Variants in HNRNPUL1 observed in about 807,000 individuals in gnomAD.
HNRNPUL1 encodes the protein heterogeneous nuclear ribonucleoprotein U-like protein 1.
HNRNPUL1 carries 14 observed loss-of-function variants against 108.5 expected under a neutral mutation model. The observed-to-expected ratio is 0.13, with a 90% CI of 0.09 to 0.20. The LOEUF is 0.20. HNRNPUL1 is among the 10% of genes least tolerant of loss of function. The pLI, the probability that HNRNPUL1 is intolerant of heterozygous loss-of-function variation, is 1.00. For synonymous variants in HNRNPUL1, 422 were observed against 445.2 expected, an observed-to-expected ratio of 0.95 and a Z score of 0.66; for missense variants, 804 against 1,168.3, an observed-to-expected ratio of 0.69 and a Z score of 4.55.
chr19:41,297,423 T>A (rs1244847946), intron 10 of HNRNPUL1, among the ~76,000 whole-genome samples: 2 of 152,276 alleles, frequency 1.3e-5, no homozygotes, highest in African/African-American at 4.8e-5. Flanking sequence ...TAAATTTGCC[T>A]GGCTAGTAAA....
intron 7 of HNRNPUL1, chr19:41,286,707 CTTTTTTTTTTTTTTT>C (rs60441728): frequency 1.9e-4 from 14 of 74,172 alleles, no homozygotes; most frequent in East Asian, 1.1e-3. Flanking sequence ...GGTGTGTACT[CTTTTTTTTTTTTTTT>C]TTTTTTTTTT....
chr19:41,278,837 A>C (rs983138033), intron 5 of HNRNPUL1, among the ~76,000 whole-genome samples: 16 of 152,138 alleles, frequency 1.1e-4, no homozygotes, highest in African/African-American at 3.9e-4. Flanking sequence ...GAGTCTCTTA[A>C]ACTAAAACAT....
In HNRNPUL1 at chr19:41,279,070, T is replaced by C. The variant is rs761723830; in HGVS notation, c.787-7T>C. The C allele has an allele frequency of 1.1e-5, 17 of 1,612,006 alleles. No homozygotes were observed. In the Middle Eastern group the frequency reaches 5.0e-4, roughly 47 times the overall value. On this transcript the variant is annotated splice_region_variant and splice_polypyrimidine_tract_variant and intron_variant, in intron 5 of 14. Coordinates refer to ENST00000392006, the MANE Select transcript of HNRNPUL1 (RefSeq NM_007040.6). The stretch of plus-strand genomic sequence containing the variant: ...CAACCCTGAGCCCTTTTGTCCTCTT[T>C]CCTCAGATCAATGAGGAAATCTCCG...
chr19:41,264,464 G>A lies in HNRNPUL1; in HGVS notation c.-40G>A. 1 of 1,338,962 alleles carries A rather than the reference G, an allele frequency of 7.5e-7. No homozygotes were observed. The highest frequency in any genetic ancestry group is 9.6e-7 in the Non-Finnish European group (1 of 1,043,924). 82.9% of individuals were successfully genotyped at this position (1,338,962 alleles called of 1,614,324 possible). A position where few individuals can be genotyped will look rare whatever the true frequency, so the allele number is the denominator to read the frequency against. The stretch of plus-strand genomic sequence containing the variant: ...GTTTAAGGGGGACAGAGCCCTGGGA[G>A]GCCGGGCCGGGCTCGGGGGCCACCC... On this transcript the variant is annotated 5_prime_UTR_variant, in exon 1 of 15. Transcript: ENST00000392006.
intron 3 of HNRNPUL1, among the ~76,000 whole-genome samples, chr19:41,273,156 G>A (rs1240046690): frequency 2.6e-5 from 4 of 152,274 alleles, no homozygotes; most frequent in African/African-American, 7.2e-5. Flanking sequence ...AAGAACACTC[G>A]CTCTGATCCT....
chr19:41,301,112 G>A (rs778838007), intron 10 of HNRNPUL1, among the ~76,000 whole-genome samples: 4 of 152,228 alleles, frequency 2.6e-5, no homozygotes, highest in Middle Eastern at 3.4e-3. Context: ...AAAAGTGCAC[G>A]GAAGAAATTC....
intron 7 of HNRNPUL1, among the ~76,000 whole-genome samples, chr19:41,288,915 G>A (rs910172423): frequency 5.9e-5 from 9 of 152,020 alleles, no homozygotes; most frequent in Middle Eastern, 3.2e-3. Context: ...CACATTTTCC[G>A]TGCTGGCATG....
chr19:41,284,919 C>T (rs2036129079), intron 7 of HNRNPUL1, among the ~76,000 whole-genome samples: 1 of 150,398 alleles, frequency 6.6e-6, no homozygotes, highest in African/African-American at 2.5e-5. Flanking sequence ...TGGCGTGACC[C>T]TGGGAGGCGG....
upstream of HNRNPUL1, chr19:41,264,354 G>C: frequency 5.3e-6 from 3 of 569,030 alleles, no homozygotes. Flanking sequence ...AGTGAGGGGG[G>C]AGGCGGTGGC....
Position 41,292,207 on chromosome 19 carries a change from A to G in HNRNPUL1, c.1000-38A>G, listed in dbSNP as rs369129717. On this transcript the variant is annotated intron_variant, in intron 7 of 14. Transcript: ENST00000392006. The surrounding 1 kb of genome is among the most constrained non-coding windows in gnomAD (Gnocchi z 4.1). Reference sequence around the variant, plus strand: ...CATTTGACTCCCAGTGCCTATGGCAAGAGTTGGCAATCATATTCCTTTGGC... The same window carrying G: ...CATTTGACTCCCAGTGCCTATGGCAGGAGTTGGCAATCATATTCCTTTGGC... 3.7e-6 allele frequency: 6 copies of G among 1,605,224 alleles called. No homozygotes were observed. The highest frequency in any genetic ancestry group is 1.1e-5 in the South Asian group (1 of 90,602).
intron 13 of HNRNPUL1, 146 bp downstream of exon 13, chr19:41,304,407 C>T (rs2037425244): frequency 1.6e-5 from 23 of 1,408,788 alleles, no homozygotes; most frequent in Non-Finnish European, 2.1e-5. Context: ...CTTCTTTCTC[C>T]CTGGCCGTGA....
intron 2 of HNRNPUL1, among the ~76,000 whole-genome samples, chr19:41,268,848 G>T (rs117452910): frequency 1.1e-4 from 16 of 151,842 alleles, no homozygotes; most frequent in Admixed American, 1.1e-3. Flanking sequence ...GGCAACAAGA[G>T]TGAAACTGCA....
At chr19:41,268,419 G>C in intron 2 of HNRNPUL1, 74 bp downstream of exon 2, 1 of 1,485,624 alleles carries the variant, frequency 6.7e-7, no homozygotes, top group Non-Finnish European at 9.1e-7. Context: ...TGCTTAGAGC[G>C]GGTCTTCCCA....
At position 41,264,728 on chromosome 19, in the gene HNRNPUL1, C is replaced by A; in HGVS notation, c.225C>A (p.Thr75=). Reference sequence around the variant, plus strand: ...AGGGGGGCTCCGAGCTGGAGGGGACCGCGCAGCCACCGCCGCCCGGGCTGC... The same window carrying A: ...AGGGGGGCTCCGAGCTGGAGGGGACAGCGCAGCCACCGCCGCCCGGGCTGC... ...ETEGGSELEG[T]AQPPPPGLQP... The change falls in exon 1 of 15, where the codon ACC becomes ACA. Residue 75 remains threonine, a synonymous_variant. Transcript: ENST00000392006. The A allele has an allele frequency of 7.0e-7, 1 of 1,427,980 alleles. No individual in the cohort carries two copies. Among genetic ancestry groups the A allele is most frequent in the South Asian group, 1.5e-5 (1 of 68,502 alleles). 88.5% of individuals were successfully genotyped at this position (1,427,980 alleles called of 1,614,324 possible). A position where few individuals can be genotyped will look rare whatever the true frequency, so the allele number is the denominator to read the frequency against.
In HNRNPUL1 at chr19:41,305,583, C is replaced by A; in HGVS notation, c.2263-93C>A. On this transcript the variant is annotated intron_variant, in intron 13 of 14. Transcript: ENST00000392006. ...AAGGGAAGGGCCCCTGTGGGCCAAC[C>A]ACTTAAAAAGGCCCTTTTTCCATCC... 2.7e-6 allele frequency: 4 copies of A among 1,507,168 alleles called. No homozygotes were observed. The South Asian group carries it at 4.7e-5, about 18-fold the overall frequency. The allele number at this position is 1,507,168 out of a possible 1,614,324, so 93.4% of individuals were successfully genotyped here.
At chr19:41,303,004 G>C (rs2037326804) in intron 12 of HNRNPUL1, 55 bp downstream of exon 12, 1 of 1,486,914 alleles carries the variant, frequency 6.7e-7, no homozygotes. Flanking sequence ...TTGGGGCTGG[G>C]CTTTGACTGC....
rs756101880 is a variant in HNRNPUL1, at chr19:41,306,570, T to C, written c.*5T>C. On this transcript the variant is annotated 3_prime_UTR_variant, in exon 15 of 15. Transcript: ENST00000392006. ...GGTGGCACAAGTACACAGTAGCCAG[T>C]GTGACCCAGAGGCTCCCGGAGGCCC... The C allele has an allele frequency of 6.6e-7, 1 of 1,521,230 alleles. No individual in the cohort carries two copies. The highest frequency in any genetic ancestry group is 2.5e-5 in the East Asian group (1 of 40,056). 94.2% of individuals were successfully genotyped at this position (1,521,230 alleles called of 1,614,324 possible). A position where few individuals can be genotyped will look rare whatever the true frequency, so the allele number is the denominator to read the frequency against.
chr19:41,265,605 G>T (rs923132966), intron 1 of HNRNPUL1, among the ~76,000 whole-genome samples: 2 of 152,136 alleles, frequency 1.3e-5, no homozygotes, highest in African/African-American at 4.8e-5. Flanking sequence ...AGAGGCTGGC[G>T]GGGGAGAGGA....
rs2037604568 is a variant in HNRNPUL1, at chr19:41,307,466, A to C, written c.*901A>C. On this transcript the variant is annotated 3_prime_UTR_variant, in exon 15 of 15. Transcript: ENST00000392006. ...GGGGCTCCTTCCCTTCAGAACTTGA[A>C]GTTTCTCCCACTGCCTCCTCTCCAG... 1 of 152,544 alleles carries C rather than the reference A, an allele frequency of 6.6e-6. No individual in the cohort carries two copies. The highest frequency in any genetic ancestry group is 1.5e-5 in the Non-Finnish European group (1 of 68,024). The allele number at this position is 152,544 out of a possible 1,614,324, so 9.4% of individuals were successfully genotyped here.
Sources: gnomAD v4.1 joint callset for allele counts (sites outside exome capture counted in the v4.1 genomes callset) on GRCh38, gnomAD v4.1.1 for gene constraint, Gnocchi (gnomAD v3.1) non-coding constraint, MANE v1.5 for transcripts, NCBI Gene and HGNC (gene_info 2026-07-23, HGNC 2026-07-21) for gene names.